Variants in ACSM2B observed in about 807,000 individuals in gnomAD.
The protein encoded by ACSM2B is acyl-coenzyme A synthetase ACSM2B, mitochondrial.
A neutral mutation model predicts 78.6 loss-of-function variants in ACSM2B; 58 were observed. That is an observed-to-expected ratio of 0.74 (90% confidence interval 0.60 to 0.92). ACSM2B has a LOEUF of 0.92. Among genes scored for constraint, ACSM2B ranks in the 40% least tolerant of loss-of-function variants. The pLI, the probability that ACSM2B is intolerant of heterozygous loss-of-function variation, is 0.00. For synonymous variants in ACSM2B, 257 were observed against 256.8 expected (o/e 1.00, Z -0.01); for missense variants, 688 against 711.2 (o/e 0.97, Z 0.37).
chr16:20,537,187 T>A lies in ACSM2B; in HGVS notation c.*71A>T. The A allele has an allele frequency of 6.4e-7, 1 of 1,560,402 alleles. No individual in the cohort carries two copies. Among genetic ancestry groups the A allele is most frequent in the African/African-American group, 1.4e-5 (1 of 73,694 alleles). On this transcript the variant is annotated 3_prime_UTR_variant, in exon 14 of 14. Transcript: ENST00000329697. ...CATAAAGAATCTCATATCATCATAG[T>A]AAGGCCAAGGGCCCAAAGGGAAAAG...
chr16:20,554,700 G>A (rs571829974), intron 4 of ACSM2B, among the ~76,000 whole-genome samples: 27 of 152,312 alleles, frequency 1.8e-4, no homozygotes, highest in African/African-American at 5.8e-4. Flanking sequence ...GAGGTGGGAA[G>A]AAGAGCCTAG....
intron 12 of ACSM2B, chr16:20,542,667 T>C (rs530084231): frequency 2.0e-6 from 1 of 499,826 alleles, no homozygotes; most frequent in African/African-American, 1.9e-5. Flanking sequence ...TTTTGAGAAA[T>C]CACCATACTT....
intron 1 of ACSM2B, among the ~76,000 whole-genome samples, chr16:20,565,366 C>G (rs1376617867): frequency 6.6e-6 from 1 of 152,144 alleles, no homozygotes; most frequent in Admixed American, 6.5e-5. Context: ...TTTCTCCCCT[C>G]TGCATGAGAC....
At chr16:20,553,724 C>T (rs182424593) in intron 5 of ACSM2B, 53 bp downstream of exon 5, 83 of 1,583,600 alleles carry the variant, frequency 5.2e-5, no homozygotes, top group East Asian at 9.0e-5. Context: ...AACTCAGAAA[C>T]GTCTTCATGC....
intron 8 of ACSM2B, chr16:20,546,712 A>G (rs1317162023): frequency 1.1e-5 from 6 of 565,758 alleles, no homozygotes; most frequent in Non-Finnish European, 1.7e-5. Context: ...AAGAGGACCT[A>G]ACAATCACAT....
chr16:20,563,575 T>A (rs2015732011), intron 2 of ACSM2B, among the ~76,000 whole-genome samples: 1 of 151,334 alleles, frequency 6.6e-6, no homozygotes, highest in Non-Finnish European at 1.5e-5. Flanking sequence ...CCTCAATATT[T>A]AAAGGAAGTA....
rs2015038428 is a variant in ACSM2B, at chr16:20,542,971, C to T, written c.1452G>A (p.Lys484=). Residue 484 remains lysine (K), a synonymous_variant, in exon 12 of 14, where the codon AAG becomes AAA. Coordinates refer to ENST00000329697, the MANE Select transcript of ACSM2B (RefSeq NM_001105069.2). ...CAGCCGTCTCAACCACAGCAGGGTG[C>T]TTCATCAGTGCATTCTCTACCTCCG... ...GPSEVENALM[K]HPAVVETAVI... is the part of the protein sequence containing the mutation. 1 of 1,613,702 alleles carries T rather than the reference C, an allele frequency of 6.2e-7. No individual in the cohort carries two copies. The highest frequency in any genetic ancestry group is 1.7e-4 in the Middle Eastern group (1 of 6,056).
At position 20,545,182 on chromosome 16, in the gene ACSM2B, G is replaced by A. The variant is rs1382602949; in HGVS notation, c.1256C>T (p.Pro419Leu). 4.3e-6 allele frequency: 7 copies of A among 1,613,702 alleles called. No homozygotes were observed. The African/African-American group carries it at 9.3e-5, about 22-fold the overall frequency. The change falls in exon 10 of 14, where the codon CCT becomes CTT. Residue 419 changes from proline (P) to leucine (L), a missense_variant. By Grantham distance (98) the Pro-to-Leu change is moderately conservative. Transcript: ENST00000329697. Reference protein sequence around the residue: ...DIGIRVKPIRPIGIFSGYVEN... With the variant: ...DIGIRVKPIRLIGIFSGYVEN... ...CACATAGCCAGAGAAGATGCCTATA[G>A]GCCTGATGGGTTTGACCCTGATGCC...
In ACSM2B at chr16:20,559,515, C is replaced by T. The variant is rs147721870; in HGVS notation, c.178-68G>A. ...CAAGCAGGTAGGATAAATTCCAAGT[C>T]TTGGGATTGCCAAGCTGGTGCTTAG... On this transcript the variant is annotated intron_variant, in intron 2 of 13. Coordinates refer to ENST00000329697, the MANE Select transcript of ACSM2B (RefSeq NM_001105069.2). 684 of 1,556,416 alleles carry T rather than the reference C, an allele frequency of 4.4e-4. 11 individuals are homozygous for T. In the African/African-American group the frequency reaches 8.3e-3, roughly 19 times the overall value.
intron 2 of ACSM2B, among the ~76,000 whole-genome samples, chr16:20,561,862 C>G (rs1212350579): frequency 2.5e-4 from 25 of 100,450 alleles, no homozygotes; most frequent in Non-Finnish European, 4.5e-4. Flanking sequence ...TATCCCTCCC[C>G]CCTCCCCCCA....
chr16:20,575,254 C>G (rs1241288550), intron 1 of ACSM2B, among the ~76,000 whole-genome samples: 1 of 151,526 alleles, frequency 6.6e-6, no homozygotes, highest in Non-Finnish European at 1.5e-5. Context: ...TCTAGAGAAA[C>G]AGAACTAATG....
intron 1 of ACSM2B, among the ~76,000 whole-genome samples, chr16:20,566,501 A>G (rs2015850228): frequency 8.6e-6 from 1 of 116,704 alleles, no homozygotes; most frequent in Admixed American, 1.1e-4. Context: ...TACATATACT[A>G]TATCTATATA....
Position 20,559,277 on chromosome 16 carries a change from C to T in ACSM2B, c.348G>A (p.Val116=), listed in dbSNP as rs780168424. ...CCAGGATCACCAGCCACCACTCAGG[C>T]ACTCGGGGCAGCATCACTGCCACAC... The part of the protein sequence containing the change: ...GDRVAVMLPR[V]PEWWLVILGC... Residue 116 remains valine (V), a synonymous_variant, in exon 3 of 14, where the codon GTG becomes GTA. Coordinates refer to ENST00000329697, the MANE Select transcript of ACSM2B (RefSeq NM_001105069.2). 1 of 1,613,646 alleles carries T rather than the reference C, an allele frequency of 6.2e-7. No homozygotes were observed. Among genetic ancestry groups the T allele is most frequent in the East Asian group, 2.2e-5 (1 of 44,866 alleles).
At chr16:20,560,545 T>G (rs760394577) in intron 2 of ACSM2B, among the ~76,000 whole-genome samples, 7 of 152,228 alleles carry the variant, frequency 4.6e-5, no homozygotes, top group Non-Finnish European at 8.8e-5. Context: ...GCACACTTCC[T>G]GTACACTGTG....
intron 4 of ACSM2B, 171 bp from the exon 5 acceptor site, chr16:20,554,091 T>C (rs1357768942): frequency 5.5e-6 from 6 of 1,097,534 alleles, no homozygotes; most frequent in Non-Finnish European, 6.7e-6. Context: ...CAATCAGAGT[T>C]GGGTTTGAAA....
At chr16:20,573,004 A>C (rs2016135216) in intron 1 of ACSM2B, among the ~76,000 whole-genome samples, 2 of 143,066 alleles carry the variant, frequency 1.4e-5, no homozygotes, top group African/African-American at 2.6e-5. Flanking sequence ...ATTGGACTTC[A>C]CCTTTTCTGG....
intron 6 of ACSM2B, chr16:20,550,011 A>T: frequency 3.6e-6 from 1 of 279,398 alleles, no homozygotes; most frequent in Non-Finnish European, 7.0e-6. Context: ...TTTTTTTATC[A>T]GACTTAAAGT....
chr16:20,553,975 A>T, intron 4 of ACSM2B, 55 bp from the exon 5 acceptor site: 1 of 1,608,730 alleles, frequency 6.2e-7, no homozygotes, highest in Non-Finnish European at 8.5e-7. Context: ...ACCAGATATC[A>T]AAGTGACCCA....
intron 2 of ACSM2B, among the ~76,000 whole-genome samples, chr16:20,562,992 T>A (rs1351032927): frequency 6.6e-6 from 1 of 152,136 alleles, no homozygotes; most frequent in East Asian, 1.9e-4. Context: ...CACATCTCTA[T>A]AATTCCATTC....
Sources: allele counts gnomAD v4.1 joint callset (sites outside exome capture counted in the v4.1 genomes callset), GRCh38; gene constraint gnomAD v4.1.1; transcripts MANE v1.5; gene names NCBI Gene and HGNC (gene_info 2026-07-23, HGNC 2026-07-21).